Variants in LDLRAD4 observed in about 807,000 individuals in gnomAD.
The protein encoded by LDLRAD4 is low-density lipoprotein receptor class A domain-containing protein 4.
In LDLRAD4, 5 loss-of-function variants were observed where a neutral mutation model predicts 17.0. The ratio of observed to expected loss-of-function variants is 0.29; its 90% CI spans 0.15 to 0.62. LDLRAD4 has a LOEUF of 0.62. LDLRAD4 is among the 20% of genes least tolerant of loss of function. The pLI, the probability that LDLRAD4 is intolerant of heterozygous loss-of-function variation, is 0.84. For synonymous variants in LDLRAD4, 168 were observed against 171.8 expected (o/e 0.98, Z 0.17); for missense variants, 340 against 424.7 (o/e 0.80, Z 1.75).
intron 3 of LDLRAD4, among the ~76,000 whole-genome samples, chr18:13,474,474 A>G (rs534150729): frequency 4.6e-5 from 7 of 152,364 alleles, no homozygotes; most frequent in African/African-American, 1.4e-4. Context: ...GTGCAGATCC[A>G]AGCCATTGCT....
chr18:13,384,755 G>T (rs2085661926), intron 1 of LDLRAD4, among the ~76,000 whole-genome samples: 1 of 152,064 alleles, frequency 6.6e-6, no homozygotes, highest in African/African-American at 2.4e-5. Flanking sequence ...TCAATTCCTG[G>T]CTTATTTCAT....
chr18:13,645,139 C>T lies in LDLRAD4; in HGVS notation c.403C>T (p.Pro135Ser), dbSNP rs747211584. 25 of 1,609,340 alleles carry T rather than the reference C, an allele frequency of 1.6e-5. No homozygotes were observed. The highest frequency in any genetic ancestry group is 2.2e-5 in the East Asian group (1 of 44,790). ...CTTTTCCTTCCAGATCATGCATGCC[C>T]CGCGGTCCAGGGACAGGTTCACAGC... The change falls in exon 6 of 6, where the codon CCG (proline) becomes TCG (serine). Residue 135 changes from proline to serine, a missense_variant. Physicochemically the swap from Pro to Ser is moderately conservative, Grantham distance 74. Coordinates refer to ENST00000359446, the Ensembl canonical transcript of LDLRAD4. This position sits in a 1 kb window ranked among gnomAD's most constrained non-coding sequence, Gnocchi z 5.7.
chr18:13,425,621 C>T (rs1251027921), intron 2 of LDLRAD4, among the ~76,000 whole-genome samples: 11 of 152,200 alleles, frequency 7.2e-5, no homozygotes, highest in Non-Finnish European at 1.5e-4. Flanking sequence ...TCCCTTCTCT[C>T]TTTAATGATG....
chr18:13,322,167 A>G (rs2081282297), intron 1 of LDLRAD4, among the ~76,000 whole-genome samples: 1 of 151,838 alleles, frequency 6.6e-6, no homozygotes. Flanking sequence ...CTTCTTTGTG[A>G]AAAATTGTCT....
chr18:13,274,640 A>C (rs1425575092), upstream of LDLRAD4, among the ~76,000 whole-genome samples: 1 of 152,200 alleles, frequency 6.6e-6, no homozygotes, highest in East Asian at 1.9e-4. Flanking sequence ...TGTAGATTTC[A>C]GGGGAGTGTG....
chr18:13,427,559 C>T (rs2090037737), intron 2 of LDLRAD4: 1 of 152,322 alleles, frequency 6.6e-6, no homozygotes, highest in Admixed American at 6.5e-5. Flanking sequence ...TTTCCTGAAT[C>T]AACAGTCCAG....
At chr18:13,338,657 G>T (rs570312876) in intron 1 of LDLRAD4, among the ~76,000 whole-genome samples, 1 of 152,204 alleles carries the variant, frequency 6.6e-6, no homozygotes, top group Non-Finnish European at 1.5e-5. Context: ...AATCACTGGT[G>T]GTGGCCCTCT....
At chr18:13,456,319 G>A (rs1042163248) in intron 3 of LDLRAD4, among the ~76,000 whole-genome samples, 21 of 152,248 alleles carry the variant, frequency 1.4e-4, no homozygotes, top group Admixed American at 3.9e-4. Context: ...ACATCTACAC[G>A]GGGGTGCCCC....
At chr18:13,587,391 C>T (rs1016176293) in intron 3 of LDLRAD4, among the ~76,000 whole-genome samples, 2 of 152,204 alleles carry the variant, frequency 1.3e-5, no homozygotes, top group African/African-American at 4.8e-5. Context: ...AGCAGGGAAT[C>T]CCAGAAACAC....
chr18:13,480,079 T>C (rs897141201), intron 3 of LDLRAD4, among the ~76,000 whole-genome samples: 3 of 152,230 alleles, frequency 2.0e-5, no homozygotes, highest in African/African-American at 7.2e-5. Flanking sequence ...ACAGAGGAAT[T>C]GAAACATTAT....
In LDLRAD4 at chr18:13,416,343, G is replaced by A. The variant is rs117374930; in HGVS notation, c.41-21901G>A. ...AAGTGGTTTGCATGAGATCCTCCAA[G>A]CACTGTCACTTTTTGAAACCCTGGC... On this transcript the variant is annotated intron_variant, in intron 2 of 5. Transcript: ENST00000359446. Among the ~76,000 whole-genome samples the A allele has an allele frequency of 2.3e-4, 35 of 152,332 alleles. No homozygotes were observed. In the East Asian group the frequency reaches 6.7e-3, roughly 29 times the overall value.
chr18:13,294,182 T>C (rs1446852657), intron 1 of LDLRAD4, among the ~76,000 whole-genome samples: 1 of 152,216 alleles, frequency 6.6e-6, no homozygotes, highest in Non-Finnish European at 1.5e-5. Flanking sequence ...TTAATTAACC[T>C]CCGGTGATTT....
chr18:13,340,676 A>C (rs962598494), intron 1 of LDLRAD4, among the ~76,000 whole-genome samples: 4 of 152,160 alleles, frequency 2.6e-5, no homozygotes, highest in Non-Finnish European at 5.9e-5. Flanking sequence ...CCCATTCTAC[A>C]GGATGTCTTT....
chr18:13,605,451 C>T (rs762776797), intron 3 of LDLRAD4, among the ~76,000 whole-genome samples: 19 of 152,346 alleles, frequency 1.2e-4, no homozygotes, highest in South Asian at 6.2e-4. Context: ...CTCCTGGCCT[C>T]AAGCAGTCCT....
At chr18:13,577,654 G>A (rs1054266110) in intron 3 of LDLRAD4, among the ~76,000 whole-genome samples, 2 of 152,310 alleles carry the variant, frequency 1.3e-5, no homozygotes, top group South Asian at 2.1e-4. Context: ...TGTGTGCGGC[G>A]TCTCTAGCAT....
At chr18:13,536,805 C>G (rs1235893622) in intron 3 of LDLRAD4, among the ~76,000 whole-genome samples, 1 of 152,064 alleles carries the variant, frequency 6.6e-6, no homozygotes. Context: ...CCTTCTGTTC[C>G]TACTTTGCTG....
intron 1 of LDLRAD4, among the ~76,000 whole-genome samples, chr18:13,352,008 A>G (rs190664942): frequency 6.6e-6 from 1 of 152,332 alleles, no homozygotes; most frequent in East Asian, 1.9e-4. Flanking sequence ...ACCAATGACA[A>G]AAACCACATG....
At chr18:13,527,735 A>G (rs188409224) in intron 3 of LDLRAD4, among the ~76,000 whole-genome samples, 20 of 152,304 alleles carry the variant, frequency 1.3e-4, no homozygotes, top group Non-Finnish European at 2.8e-4. Flanking sequence ...GAATGGCCCA[A>G]GCAGTCCTAC....
At chr18:13,220,851 T>C (rs905490469) in intron 1 of LDLRAD4, among the ~76,000 whole-genome samples, 2 of 152,190 alleles carry the variant, frequency 1.3e-5, no homozygotes, top group African/African-American at 4.8e-5. Flanking sequence ...TTGTGCATGG[T>C]TTCTGGCAGG....
Sources: gnomAD v4.1 joint callset for allele counts (sites outside exome capture counted in the v4.1 genomes callset) on GRCh38, gnomAD v4.1.1 for gene constraint, Gnocchi (gnomAD v3.1) non-coding constraint, MANE v1.5 for transcripts, NCBI Gene and HGNC (gene_info 2026-07-23, HGNC 2026-07-21) for gene names.